Variants in LSM14B observed in about 807,000 individuals in gnomAD.
LSM14B encodes protein LSM14 homolog B.
A neutral mutation model predicts 42.1 loss-of-function variants in LSM14B; 8 were observed. The observed-to-expected ratio is 0.19, with a 90% CI of 0.11 to 0.34. The LOEUF (loss-of-function observed/expected upper bound fraction) is 0.34, where lower values mean the gene tolerates loss of function less well. Ranked by LOEUF, LSM14B falls within the 10% of genes least tolerant of loss-of-function variation. LSM14B has a pLI of 1.00. For missense variants in LSM14B, 396 were observed against 513.1 expected (o/e 0.77, Z 2.21); for synonymous variants, 219 against 209.7 (o/e 1.04, Z -0.38).
intron 3 of LSM14B, chr20:62,128,841 C>G: frequency 1.2e-6 from 1 of 815,988 alleles, no homozygotes; most frequent in South Asian, 1.6e-5. Context: ...TTTTTCATTT[C>G]TATTCCGTAA....
intron 8 of LSM14B, 77 bp from the exon 9 acceptor site, chr20:62,134,086 G>A (rs6062075): frequency 2.6e-6 from 1 of 379,458 alleles, no homozygotes; most frequent in African/African-American, 2.1e-5. Context: ...GGGAGGCTGA[G>A]TGGCTCCTGC....
rs369200563 is a variant in LSM14B at position 62,130,662 on chromosome 20, A to G, written c.806A>G (p.Lys269Arg). ...CAGTTCAACCGAGAGGAGCTTGACAAAGAATTTAAGAAGAAACTGAATTTT... is the reference window on the plus strand; with the variant it reads ...CAGTTCAACCGAGAGGAGCTTGACAGAGAATTTAAGAAGAAACTGAATTTT... ...NAQFNREELD[K>R]EFKKKLNFKD... The change falls in exon 6 of 9, where the codon AAA becomes AGA. Residue 269 changes from lysine to arginine, a missense_variant. Transcript: ENST00000279068. The surrounding 1 kb of genome is among the most constrained non-coding windows in gnomAD (Gnocchi z 4.1). 2.4e-5 allele frequency: 38 copies of G among 1,613,504 alleles called. No individual in the cohort carries two copies. The highest frequency in any genetic ancestry group is 3.1e-5 in the Non-Finnish European group (37 of 1,179,806).
chr20:62,128,950 G>GT, intron 3 of LSM14B: 1 of 1,303,942 alleles, frequency 7.7e-7, no homozygotes, highest in Non-Finnish European at 1.0e-6. Flanking sequence ...TCAGATCTCT[G>GT]TTCACTTACA....
At chr20:62,133,118 C>T (rs867547945) in intron 7 of LSM14B, among the ~76,000 whole-genome samples, 172 bp from the exon 8 acceptor site, 16 of 152,312 alleles carry the variant, frequency 1.1e-4, no homozygotes, top group African/African-American at 3.4e-4. Context: ...GGAAACGTGG[C>T]AGGGAGCACC....
intron 1 of LSM14B, chr20:62,123,002 A>C: frequency 1.9e-5 from 5 of 266,010 alleles, no homozygotes; most frequent in East Asian, 7.3e-5. Flanking sequence ...ACCCTCCCCC[A>C]GCGTAGCCGG....
chr20:62,126,257 G>T (rs771640612), intron 2 of LSM14B, 47 bp from the exon 3 acceptor site: 6 of 1,613,536 alleles, frequency 3.7e-6, no homozygotes, highest in Non-Finnish European at 4.2e-6. Flanking sequence ...GGCGTGCGGG[G>T]TGATGGGATG....
chr20:62,129,486 C>T (rs998311539), intron 3 of LSM14B, among the ~76,000 whole-genome samples: 3 of 152,096 alleles, frequency 2.0e-5, no homozygotes, highest in African/African-American at 7.2e-5. Context: ...TGTTTGTAGG[C>T]ACGGTGTTTT....
chr20:62,124,024 C>T (rs1189173120), intron 1 of LSM14B, among the ~76,000 whole-genome samples: 1 of 152,172 alleles, frequency 6.6e-6, no homozygotes, highest in Non-Finnish European at 1.5e-5. Context: ...GAGACTTGGG[C>T]GCTCCTGGAA....
At chr20:62,123,565 G>A (rs754085401) in intron 1 of LSM14B, among the ~76,000 whole-genome samples, 5 of 152,232 alleles carry the variant, frequency 3.3e-5, no homozygotes, top group Non-Finnish European at 5.9e-5. Context: ...GAGGCAGCGG[G>A]TGGTCCAGAG....
intron 6 of LSM14B, among the ~76,000 whole-genome samples, chr20:62,131,017 T>G (rs2056751996): frequency 6.6e-6 from 1 of 152,112 alleles, no homozygotes; most frequent in South Asian, 2.1e-4. Flanking sequence ...GCCACTGCAC[T>G]CCAGCCGGGC....
In LSM14B at chr20:62,134,192, CTG is replaced by C. The variant is rs1158160501; in HGVS notation, c.*52_*53del. ...CTACTGAAGTGGCGCATAACTGACG[CTG>C]TGTGTGTCAGGACGCGAGGAAAACG... On this transcript the variant is annotated 3_prime_UTR_variant, in exon 9 of 9. Coordinates refer to ENST00000279068, the MANE Select transcript of LSM14B (RefSeq NM_144703.3). 3 of 469,788 alleles carry C rather than the reference CTG, an allele frequency of 6.4e-6. No individual in the cohort carries two copies. The highest frequency in any genetic ancestry group is 4.7e-5 in the Admixed American group (2 of 42,130). The allele number at this position is 469,788 out of a possible 1,614,324, so 29.1% of individuals were successfully genotyped here.
chr20:62,129,826 G>A lies in LSM14B; in HGVS notation c.469G>A (p.Val157Met). 1.2e-6 allele frequency: 2 copies of A among 1,612,078 alleles called. No homozygotes were observed. The highest frequency in any genetic ancestry group is 1.7e-6 in the Non-Finnish European group (2 of 1,179,144). ...CATCCCAGTCGGCAAGAGCCCCATG[G>A]TGGAGCAGGCTGTGCAGACTGGTTC... ...PSIPVGKSPM[V>M]EQAVQTGSAD... The change falls in exon 4 of 9, where the codon GTG (valine) becomes ATG (methionine). Residue 157 changes from valine to methionine, a missense_variant. Val to Met is a conservative substitution (Grantham distance 21). Around this residue, in one of 3 missense-constraint regions of LSM14B, gnomAD observed 274 missense variants for 335.8 expected, o/e 0.82. Transcript: ENST00000279068.
Position 62,129,835 on chromosome 20 carries a change from G to A in LSM14B, c.478G>A (p.Ala160Thr). The part of the protein sequence containing the change: ...PVGKSPMVEQ[A>T]VQTGSADNLN... ...CGGCAAGAGCCCCATGGTGGAGCAG[G>A]CTGTGCAGACTGGTTCTGCTGACAA... Residue 160 changes from alanine (A) to threonine (T), a missense_variant, in exon 4 of 9, where the codon GCT (alanine) becomes ACT (threonine). Ala to Thr is a moderately conservative substitution (Grantham distance 58). Transcript: ENST00000279068. The A allele has an allele frequency of 1.2e-6, 2 of 1,611,990 alleles. No individual in the cohort carries two copies. The highest frequency in any genetic ancestry group is 1.7e-6 in the Non-Finnish European group (2 of 1,179,130).
At position 62,124,783 on chromosome 20, in the gene LSM14B, A is replaced by G. The variant is rs116635554; in HGVS notation, c.291+3A>G. On this transcript the variant is annotated splice_donor_region_variant and intron_variant, in intron 2 of 8. Transcript: ENST00000279068. Reference sequence around the variant, plus strand: ...CGCAGGATCCCGCCATTGTTCAGGTAAGTGTGCCACTGTCCCTCTGTGCAT... The same window carrying G: ...CGCAGGATCCCGCCATTGTTCAGGTGAGTGTGCCACTGTCCCTCTGTGCAT... The G allele has an allele frequency of 2.6e-4, 419 of 1,611,518 alleles. No individual in the cohort carries two copies. The African/African-American group carries it at 4.8e-3, about 18-fold the overall frequency.
At chr20:62,129,321 A>G (rs2056696411) in intron 3 of LSM14B, among the ~76,000 whole-genome samples, 1 of 152,196 alleles carries the variant, frequency 6.6e-6, no homozygotes, top group Admixed American at 6.5e-5. Context: ...TTTTCTAGAA[A>G]ATCCCAGGCT....
At position 62,130,220 on chromosome 20, in the gene LSM14B, T is replaced by C. The variant is rs1264676720; in HGVS notation, c.597T>C (p.Asp199=). The change falls in exon 5 of 9, where the codon GAT becomes GAC. Residue 199 remains aspartate (D), a splice_region_variant and synonymous_variant. Coordinates refer to ENST00000279068, the MANE Select transcript of LSM14B (RefSeq NM_144703.3). The surrounding 1 kb of genome is among the most constrained non-coding windows in gnomAD (Gnocchi z 4.1). ...QAQPSSKTAS[D]VVQPAAVQAQ... ...TTACTCTTCCCTTTTGCGCCGTAGA[T>C]GTAGTCCAGCCGGCAGCTGTGCAAG... The C allele has an allele frequency of 1.8e-5, 29 of 1,599,750 alleles. No individual in the cohort carries two copies. The highest frequency in any genetic ancestry group is 2.5e-5 in the Non-Finnish European group (29 of 1,173,250).
At chr20:62,123,009 C>T (rs1409406090) in intron 1 of LSM14B, 3 of 274,938 alleles carry the variant, frequency 1.1e-5, no homozygotes, top group Non-Finnish European at 2.0e-5. Context: ...CCCAGCGTAG[C>T]CGGCCGCACA....
At chr20:62,128,937 G>A (rs1387788183) in intron 3 of LSM14B, 5 of 1,303,564 alleles carry the variant, frequency 3.8e-6, no homozygotes, top group Middle Eastern at 4.2e-4. Context: ...TGCCTTTTCT[G>A]TTTCAGATCT....
chr20:62,124,036 C>G (rs1017336792), intron 1 of LSM14B, among the ~76,000 whole-genome samples: 1 of 152,218 alleles, frequency 6.6e-6, no homozygotes, highest in African/African-American at 2.4e-5. Flanking sequence ...CTCCTGGAAG[C>G]CTGCTGGTTA....
Sources: gnomAD v4.1 joint callset for allele counts (sites outside exome capture counted in the v4.1 genomes callset) on GRCh38, gnomAD v4.1.1 for gene constraint, gnomAD v4.1.1 regional missense constraint, Gnocchi (gnomAD v3.1) non-coding constraint, MANE v1.5 for transcripts, NCBI Gene and HGNC (gene_info 2026-07-23, HGNC 2026-07-21) for gene names.